Variants in TCF7L1 observed in about 807,000 individuals in gnomAD.
TCF7L1 encodes the protein transcription factor 7 like 1.
TCF7L1 carries 18 observed loss-of-function variants against 63.7 expected under a neutral mutation model. The ratio of observed to expected loss-of-function variants is 0.28; its 90% confidence interval spans 0.20 to 0.42. The LOEUF (loss-of-function observed/expected upper bound fraction) is 0.42. Among genes scored for constraint, TCF7L1 ranks in the 10% least tolerant of loss-of-function variants. The probability of loss-of-function intolerance (pLI) is 1.00; values close to 1 mark genes in which losing one functional copy is unlikely to be tolerated. For synonymous variants in TCF7L1, 355 were observed against 340.9 expected (o/e 1.04, Z -0.46); for missense variants, 654 against 779.3 (o/e 0.84, Z 1.91).
chr2:85,273,666 A>G (rs1182347426), intron 3 of TCF7L1, among the ~76,000 whole-genome samples: 2 of 152,214 alleles, frequency 1.3e-5, no homozygotes, highest in African/African-American at 2.4e-5. Flanking sequence ...TCCTCCCACT[A>G]TAGACATACA....
chr2:85,229,495 C>G (rs1680026628), intron 3 of TCF7L1, among the ~76,000 whole-genome samples: 1 of 152,176 alleles, frequency 6.6e-6, no homozygotes, highest in African/African-American at 2.4e-5. Flanking sequence ...AAGTGCAGCT[C>G]TATTCTGACA....
In TCF7L1 at chr2:85,259,031, C is replaced by A. The variant is rs1050572175; in HGVS notation, c.442-24464C>A. ...TGTAATACCCCCACACTCGGTGACA[C>A]CCCCACTCTATGACATTTACCATTT... On this transcript the variant is annotated intron_variant, in intron 3 of 11. Coordinates refer to ENST00000282111, the MANE Select transcript of TCF7L1 (RefSeq NM_031283.3). Among the ~76,000 whole-genome samples, 116 of 152,324 alleles carry A rather than the reference C, an allele frequency of 7.6e-4. 2 individuals carry two copies. The highest frequency in any genetic ancestry group is 2.5e-3 in the African/African-American group (102 of 41,576).
At chr2:85,275,828 G>T (rs1681257594) in intron 3 of TCF7L1, among the ~76,000 whole-genome samples, 1 of 151,486 alleles carries the variant, frequency 6.6e-6, no homozygotes, top group South Asian at 2.1e-4. Context: ...GCTGAGATGG[G>T]AGGATTGCCT....
At chr2:85,175,356 G>T (rs931404807) in intron 3 of TCF7L1, among the ~76,000 whole-genome samples, 2 of 152,182 alleles carry the variant, frequency 1.3e-5, no homozygotes, top group African/African-American at 4.8e-5. Context: ...TTGAACCATG[G>T]ATTTCCTTTC....
At position 85,306,408 on chromosome 2, in the gene TCF7L1, CT is replaced by C; in HGVS notation, c.1150-43del. ...CCTCCAGGCCAGGGAGGCAGCGTCC[CT>C]GCATTGATGGCTCCGTGTGGTCTCT... is the stretch of plus-strand genomic sequence containing the variant. On this transcript the variant is annotated intron_variant, in intron 9 of 11. Coordinates refer to ENST00000282111, the MANE Select transcript of TCF7L1 (RefSeq NM_031283.3). This position sits in a 1 kb window ranked among gnomAD's most constrained non-coding sequence, Gnocchi z 4.3. The C allele has an allele frequency of 6.2e-7, 1 of 1,613,632 alleles. No individual in the cohort carries two copies. The highest frequency in any genetic ancestry group is 1.3e-5 in the African/African-American group (1 of 75,024).
At chr2:85,153,076 T>G (rs1275532803) in intron 3 of TCF7L1, among the ~76,000 whole-genome samples, 3 of 152,258 alleles carry the variant, frequency 2.0e-5, no homozygotes, top group Non-Finnish European at 4.4e-5. Flanking sequence ...GTCACCTATG[T>G]GATTACATCA....
intron 3 of TCF7L1, among the ~76,000 whole-genome samples, chr2:85,265,559 C>T (rs1197992801): frequency 1.3e-5 from 2 of 152,156 alleles, no homozygotes; most frequent in South Asian, 2.1e-4. Flanking sequence ...AGGAAGGACT[C>T]GTGCAGCTGG....
intron 3 of TCF7L1, among the ~76,000 whole-genome samples, chr2:85,261,463 TGTGAA>T (rs1345192892): frequency 1.3e-5 from 2 of 152,208 alleles, no homozygotes; most frequent in African/African-American, 4.8e-5. Flanking sequence ...AAGAGGACTT[TGTGAA>T]GTGGAGACTG....
At chr2:85,169,876 C>T (rs1349812892) in intron 3 of TCF7L1, among the ~76,000 whole-genome samples, 2 of 152,136 alleles carry the variant, frequency 1.3e-5, no homozygotes, top group Non-Finnish European at 2.9e-5. Flanking sequence ...ATGCAAGGGC[C>T]TGGCAATCAG....
Position 85,134,460 on chromosome 2 carries a change from C to T in TCF7L1, c.441+10C>T. 6.5e-7 allele frequency: 1 copy of T among 1,549,564 alleles called. No homozygotes were observed. The highest frequency in any genetic ancestry group is 8.7e-7 in the Non-Finnish European group (1 of 1,146,380). ...CGGAGGAGCGCGCACCGTGAGTGCC[C>T]GTCGGGCGCGCCGGGGAGGGTGGGA... On this transcript the variant is annotated intron_variant, in intron 3 of 11. Transcript: ENST00000282111. The surrounding 1 kb of genome is among the most constrained non-coding windows in gnomAD (Gnocchi z 5.0).
In TCF7L1 at chr2:85,283,576, T is replaced by A. The variant is rs1681474420; in HGVS notation, c.523T>A (p.Leu175Met). The change falls in exon 4 of 12, where the codon TTG becomes ATG. Residue 175 changes from leucine to methionine, a missense_variant and splice_region_variant. Around this residue, in one of 3 missense-constraint regions of TCF7L1, gnomAD observed 404 missense variants for 454.8 expected, o/e 0.89. Coordinates refer to ENST00000282111, the MANE Select transcript of TCF7L1 (RefSeq NM_031283.3). ...KDTRSPSPAH[L>M]SNKVPVVQHP... is the part of the protein sequence containing the mutation. ...CACGAGGTCACCATCTCCAGCACAC[T>A]TGGTAAGTCTGTTTCACCTTAAAGC... 1.9e-6 allele frequency: 3 copies of A among 1,614,196 alleles called. No individual in the cohort carries two copies. The highest frequency in any genetic ancestry group is 2.5e-6 in the Non-Finnish European group (3 of 1,180,028).
intron 3 of TCF7L1, among the ~76,000 whole-genome samples, chr2:85,261,802 G>A (rs540985837): frequency 2.0e-5 from 3 of 152,162 alleles, no homozygotes; most frequent in East Asian, 1.9e-4. Flanking sequence ...TGGGAGGATC[G>A]CATGAGCCCA....
At position 85,254,495 on chromosome 2, in the gene TCF7L1, G is replaced by A. The variant is rs116635621; in HGVS notation, c.442-29000G>A. On this transcript the variant is annotated intron_variant, in intron 3 of 11. Transcript: ENST00000282111. ...TAGCCATTTAGATATTCCCCTTGGA[G>A]TCTTGCTTGCAATTAATCTGTACTG... Among the ~76,000 whole-genome samples the A allele has an allele frequency of 7.4e-3, 1,127 of 152,324 alleles. 10 individuals carry two copies. The highest frequency in any genetic ancestry group is 0.026 in the African/African-American group (1,075 of 41,562).
At chr2:85,283,468 G>T in intron 3 of TCF7L1, 27 bp from the exon 4 acceptor site, 1 of 1,613,844 alleles carries the variant, frequency 6.2e-7, no homozygotes, top group Non-Finnish European at 8.5e-7. Context: ...CTCACCAACA[G>T]CTTTTTCTTT....
At chr2:85,208,631 A>G (rs2104286661) in intron 3 of TCF7L1, among the ~76,000 whole-genome samples, 1 of 152,294 alleles carries the variant, frequency 6.6e-6, no homozygotes, top group South Asian at 2.1e-4. Context: ...CTCATGGTGC[A>G]GTTTTAGTTT....
chr2:85,271,931 G>A (rs1476300030), intron 3 of TCF7L1, among the ~76,000 whole-genome samples: 1 of 152,224 alleles, frequency 6.6e-6, no homozygotes, highest in Non-Finnish European at 1.5e-5. Context: ...TCAATGGAGA[G>A]AGGATTTGGG....
rs1681828435 is a variant in TCF7L1, at chr2:85,295,801, A to G, written c.526-6683A>G. On this transcript the variant is annotated intron_variant, in intron 4 of 11. Transcript: ENST00000282111. Reference sequence around the variant, plus strand: ...TTTTTTTTTTTTTTTTTTTTTTGAGACCGTCTCGTTCTGTCGCCCAGGCTG... The same window carrying G: ...TTTTTTTTTTTTTTTTTTTTTTGAGGCCGTCTCGTTCTGTCGCCCAGGCTG... Among the ~76,000 whole-genome samples the G allele has an allele frequency of 1.2e-4, 11 of 92,654 alleles. No homozygotes were observed. The South Asian group carries it at 3.7e-3, about 32-fold the overall frequency. The allele number at this position is 92,654 out of a possible 152,430, so 60.8% of individuals were successfully genotyped here. A position where few individuals can be genotyped will look rare whatever the true frequency, so the allele number is the denominator to read the frequency against.
At chr2:85,204,480 A>T (rs756108212) in intron 3 of TCF7L1, among the ~76,000 whole-genome samples, 1 of 152,030 alleles carries the variant, frequency 6.6e-6, no homozygotes, top group African/African-American at 2.4e-5. Flanking sequence ...GTGTGCCCAA[A>T]CTAGTCTTTC....
chr2:85,298,593 G>A (rs1385286844), intron 4 of TCF7L1, among the ~76,000 whole-genome samples: 1 of 151,986 alleles, frequency 6.6e-6, no homozygotes, highest in African/African-American at 2.4e-5. Flanking sequence ...TGAAATAGAC[G>A]GGAAACACCT....
Sources: allele counts gnomAD v4.1 joint callset (sites outside exome capture counted in the v4.1 genomes callset), GRCh38; gene constraint gnomAD v4.1.1; regional missense constraint gnomAD v4.1.1; non-coding constraint Gnocchi (gnomAD v3.1); transcripts MANE v1.5; gene names NCBI Gene and HGNC (gene_info 2026-07-23, HGNC 2026-07-21).